CLPB: variants seen among roughly 807,000 people sequenced by gnomAD.
CLPB encodes the protein mitochondrial disaggregase.
Under a neutral mutation model 78.4 loss-of-function variants are expected in CLPB, and 40 were observed. The ratio of observed to expected loss-of-function variants is 0.51; its 90% CI spans 0.40 to 0.66. The LOEUF is 0.66. CLPB is among the 30% of genes least tolerant of loss of function. The pLI is 0.00. For missense variants in CLPB, 780 were observed against 886.9 expected (o/e 0.88, Z 1.53); for synonymous variants, 333 against 348.0 (o/e 0.96, Z 0.48).
At chr11:72,317,295 G>T in intron 6 of CLPB, 75 bp from the exon 7 acceptor site, 1 of 1,137,418 alleles carries the variant, frequency 8.8e-7, no homozygotes, top group South Asian at 1.5e-5. Context: ...CCCCCAACTC[G>T]GGGAAAACAC....
chr11:72,295,847 T>C (rs1949542373), intron 11 of CLPB, among the ~76,000 whole-genome samples, 199 bp from the exon 12 acceptor site: 1 of 152,226 alleles, frequency 6.6e-6, no homozygotes, highest in East Asian at 1.9e-4. Flanking sequence ...CGCCCTGCGC[T>C]GCAACTGCTC....
intron 3 of CLPB, among the ~76,000 whole-genome samples, chr11:72,392,638 T>C (rs559694241): frequency 6.6e-6 from 1 of 152,216 alleles, no homozygotes; most frequent in Non-Finnish European, 1.5e-5. Context: ...ATAATCATAA[T>C]AAAGCAGCCG....
intron 5 of CLPB, among the ~76,000 whole-genome samples, chr11:72,346,548 A>G (rs114242043): frequency 0.011 from 1,670 of 152,002 alleles, 29 homozygotes; most frequent in African/African-American, 0.038. Flanking sequence ...TGAGCCTGAG[A>G]CATTTCATTA....
At chr11:72,358,622 T>C (rs946948353) in intron 5 of CLPB, among the ~76,000 whole-genome samples, 2 of 152,066 alleles carry the variant, frequency 1.3e-5, no homozygotes, top group African/African-American at 2.4e-5. Context: ...ACACCACATA[T>C]AGGCAGAGAA....
At chr11:72,411,220 T>C (rs1177872643) in intron 2 of CLPB, among the ~76,000 whole-genome samples, 1 of 152,272 alleles carries the variant, frequency 6.6e-6, no homozygotes, top group African/African-American at 2.4e-5. Flanking sequence ...CATTAACTTC[T>C]CACCAATACT....
chr11:72,411,036 C>A (rs1422688967), intron 2 of CLPB, among the ~76,000 whole-genome samples: 1 of 152,186 alleles, frequency 6.6e-6, no homozygotes, highest in Non-Finnish European at 1.5e-5. Flanking sequence ...CCTGTGCTAA[C>A]CTGTATCAAT....
At chr11:72,308,118 AT>A (rs1949777749) in intron 8 of CLPB, among the ~76,000 whole-genome samples, 1 of 152,124 alleles carries the variant, frequency 6.6e-6, no homozygotes, top group East Asian at 1.9e-4. Context: ...ACCTGGCACC[AT>A]GGTGGTCATT....
In CLPB at chr11:72,329,763, A is replaced by G. The variant is rs1950189871; in HGVS notation, c.817T>C (p.Leu273=). 5.0e-6 allele frequency: 8 copies of G among 1,613,848 alleles called. No homozygotes were observed. Among genetic ancestry groups the G allele is most frequent in the Non-Finnish European group, 6.8e-6 (8 of 1,179,960 alleles). The change falls in exon 6 of 16, where the codon TTG becomes CTG. Residue 273 remains leucine, a synonymous_variant. Transcript: ENST00000538039. ...LQRNEMGHTP[L]DYAREGEVMK... Reference sequence around the variant, plus strand: ...ACTTCCCCTTCTCGGGCATAATCCAAGGGTGTGTGTCCCATTTCATTCCTC... The same window carrying G: ...ACTTCCCCTTCTCGGGCATAATCCAGGGGTGTGTGTCCCATTTCATTCCTC...
intron 5 of CLPB, among the ~76,000 whole-genome samples, chr11:72,348,273 A>T (rs928391297): frequency 6.6e-6 from 1 of 152,200 alleles, no homozygotes; most frequent in African/African-American, 2.4e-5. Context: ...TGCAACTTTT[A>T]AAGTAAAAAT....
chr11:72,360,729 G>A (rs567236017), intron 4 of CLPB, among the ~76,000 whole-genome samples: 4 of 152,092 alleles, frequency 2.6e-5, no homozygotes, highest in Non-Finnish European at 4.4e-5. Flanking sequence ...GAGCCACCGC[G>A]CCCAGCCATA....
At chr11:72,383,632 A>G (rs1854988197) in intron 3 of CLPB, among the ~76,000 whole-genome samples, 1 of 152,030 alleles carries the variant, frequency 6.6e-6, no homozygotes, top group Admixed American at 6.5e-5. Context: ...CTAACAGTGG[A>G]TTTCACATTA....
intron 3 of CLPB, 106 bp downstream of exon 3, chr11:72,402,860 G>T: frequency 1.2e-6 from 1 of 836,174 alleles, no homozygotes. Context: ...CTATCTTCCT[G>T]CCTCTGGAAA....
chr11:72,356,544 G>A (rs1950719846), intron 5 of CLPB, among the ~76,000 whole-genome samples: 1 of 152,132 alleles, frequency 6.6e-6, no homozygotes, highest in African/African-American at 2.4e-5. Flanking sequence ...GGGTTGGGAG[G>A]GAGAAATAGT....
chr11:72,298,261 G>A (rs1024882925), intron 11 of CLPB, among the ~76,000 whole-genome samples: 11 of 152,068 alleles, frequency 7.2e-5, no homozygotes, highest in African/African-American at 2.4e-4. Flanking sequence ...AACTAGACTG[G>A]GTAGGGGTGA....
At chr11:72,394,059 A>C (rs1855332644) in intron 3 of CLPB, among the ~76,000 whole-genome samples, 1 of 152,206 alleles carries the variant, frequency 6.6e-6, no homozygotes, top group South Asian at 2.1e-4. Flanking sequence ...TCATACATAA[A>C]CAATGAACCA....
chr11:72,356,601 T>TGTAA (rs1950721458), intron 5 of CLPB, among the ~76,000 whole-genome samples: 1 of 151,504 alleles, frequency 6.6e-6, no homozygotes, highest in Non-Finnish European at 1.5e-5. Flanking sequence ...GGGCAAGGGG[T>TGTAA]GTAAATGTAT....
intron 3 of CLPB, among the ~76,000 whole-genome samples, chr11:72,389,246 G>C (rs143010302): frequency 6.6e-6 from 1 of 152,220 alleles, no homozygotes; most frequent in Non-Finnish European, 1.5e-5. Context: ...CTTACATGGG[G>C]AGATGATGGT....
chr11:72,320,208 G>C (rs1182508588), intron 6 of CLPB, among the ~76,000 whole-genome samples: 2 of 152,108 alleles, frequency 1.3e-5, no homozygotes, highest in Non-Finnish European at 2.9e-5. Context: ...TTTTCCCTTT[G>C]CCACAGGCAA....
intron 3 of CLPB, among the ~76,000 whole-genome samples, chr11:72,396,279 G>A (rs749001848): frequency 6.6e-6 from 1 of 152,168 alleles, no homozygotes; most frequent in Non-Finnish European, 1.5e-5. Context: ...CACTCGGGGA[G>A]AAAAGGCAGA....
Sources: gnomAD v4.1 joint callset for allele counts (sites outside exome capture counted in the v4.1 genomes callset) on GRCh38, gnomAD v4.1.1 for gene constraint, MANE v1.5 for transcripts, NCBI Gene and HGNC (gene_info 2026-07-23, HGNC 2026-07-21) for gene names.